The following VPS53 variants were observed in gnomAD, a reference collection of about 807,000 sequenced individuals.
VPS53 encodes vacuolar protein sorting-associated protein 53 homolog.
A neutral mutation model predicts 107.0 loss-of-function variants in VPS53; 70 were observed. The observed-to-expected ratio is 0.65, with a 90% CI of 0.54 to 0.80. VPS53 has a LOEUF of 0.80. Ranked by LOEUF, VPS53 falls within the 30% of genes least tolerant of loss-of-function variation. The probability of loss-of-function intolerance (pLI) is 0.00; values close to 1 mark genes in which losing one functional copy is unlikely to be tolerated. For missense variants in VPS53, 917 were observed against 1,049.4 expected (o/e 0.87, Z 1.74); for synonymous variants, 409 against 393.3 (o/e 1.04, Z -0.47).
chr17:677,003 T>G (rs1972192784), intron 4 of VPS53, among the ~76,000 whole-genome samples: 1 of 152,182 alleles, frequency 6.6e-6, no homozygotes, highest in African/African-American at 2.4e-5. Flanking sequence ...AGAATGAATC[T>G]ATGAAAGTTC....
chr17:634,768 G>A (rs1970121088), intron 7 of VPS53, among the ~76,000 whole-genome samples: 1 of 151,882 alleles, frequency 6.6e-6, no homozygotes, highest in Non-Finnish European at 1.5e-5. Context: ...GTGTATATGT[G>A]CCACATTTTC....
intron 11 of VPS53, among the ~76,000 whole-genome samples, chr17:611,577 C>T (rs1041961274): frequency 6.6e-6 from 1 of 152,266 alleles, no homozygotes; most frequent in Non-Finnish European, 1.5e-5. Flanking sequence ...AGCAATTCCA[C>T]TCAGGTATAT....
intron 11 of VPS53, among the ~76,000 whole-genome samples, chr17:613,235 GCA>G (rs1968979100): frequency 6.6e-6 from 1 of 150,844 alleles, no homozygotes; most frequent in Admixed American, 6.6e-5. Context: ...GTGAAAACCT[GCA>G]CAGATATTCA....
rs1320305702 is a variant in VPS53, at chr17:524,874, C to T, written c.2086-3136G>A. Among the ~76,000 whole-genome samples the T allele has an allele frequency of 6.6e-6, 1 of 152,144 alleles. No individual in the cohort carries two copies. The highest frequency in any genetic ancestry group is 1.5e-5 in the Non-Finnish European group (1 of 68,036). Reference sequence around the variant, plus strand: ...GTGACAGTAGAAGTTAGTTCAAGCACGTTGGGGGAAATTTAGCAACATTTC... The same window carrying T: ...GTGACAGTAGAAGTTAGTTCAAGCATGTTGGGGGAAATTTAGCAACATTTC... On this transcript the variant is annotated intron_variant, in intron 19 of 21. Transcript: ENST00000437048. The surrounding 1 kb of genome is among the most constrained non-coding windows in gnomAD (Gnocchi z 4.5).
chr17:530,525 A>G (rs867447599), intron 19 of VPS53, among the ~76,000 whole-genome samples: 16 of 152,164 alleles, frequency 1.1e-4, no homozygotes, highest in Admixed American at 9.2e-4. Context: ...ATTTTCCATG[A>G]AAAATGACAG....
chr17:521,982 C>T (rs1019905226), intron 19 of VPS53, among the ~76,000 whole-genome samples: 2 of 152,136 alleles, frequency 1.3e-5, no homozygotes, highest in African/African-American at 2.4e-5. Flanking sequence ...GGCCAGGAGC[C>T]GTGGCTCACA....
Position 517,420 on chromosome 17 carries a change from A to G in VPS53, c.*1708T>C, listed in dbSNP as rs925968378. Reference sequence around the variant, plus strand: ...CACAGAGCAGTGGTTATGTTGGGAAACAAGGTGGGGATGAGGAAATCAGGT... The same window carrying G: ...CACAGAGCAGTGGTTATGTTGGGAAGCAAGGTGGGGATGAGGAAATCAGGT... On this transcript the variant is annotated 3_prime_UTR_variant, in exon 22 of 22. Coordinates refer to ENST00000437048, the MANE Select transcript of VPS53 (RefSeq NM_001128159.3). 11 of 399,188 alleles carry G rather than the reference A, an allele frequency of 2.8e-5. No homozygotes were observed. The highest frequency in any genetic ancestry group is 4.0e-5 in the Non-Finnish European group (9 of 226,360). The allele number at this position is 399,188 out of a possible 1,614,324, so 24.7% of individuals were successfully genotyped here. A position where few individuals can be genotyped will look rare whatever the true frequency, so the allele number is the denominator to read the frequency against.
chr17:542,975 CA>C (rs57176595), intron 17 of VPS53, among the ~76,000 whole-genome samples: 19,912 of 89,832 alleles, frequency 0.22, 2,934 homozygotes, highest in African/African-American at 0.46. Context: ...GAGACTCTGT[CA>C]AAAAAAAAAA....
chr17:528,998 T>C (rs1430839616), intron 19 of VPS53, among the ~76,000 whole-genome samples: 1 of 152,206 alleles, frequency 6.6e-6, no homozygotes, highest in Non-Finnish European at 1.5e-5. Flanking sequence ...CTGTACCGTT[T>C]TGCATTACCA....
chr17:616,112 G>T (rs1240532057), intron 11 of VPS53: 1 of 152,238 alleles, frequency 6.6e-6, no homozygotes, highest in East Asian at 1.9e-4. Flanking sequence ...TGGCCATAGG[G>T]CTTCTGTTGC....
intron 11 of VPS53, among the ~76,000 whole-genome samples, chr17:622,445 T>A (rs1423996325): frequency 1.3e-5 from 2 of 152,064 alleles, no homozygotes; most frequent in African/African-American, 4.8e-5. Context: ...TTCTCTCAAC[T>A]TGGATTTCTT....
chr17:548,987 T>C (rs904990976), intron 17 of VPS53, among the ~76,000 whole-genome samples: 2 of 152,218 alleles, frequency 1.3e-5, no homozygotes, highest in African/African-American at 4.8e-5. Flanking sequence ...TGTACTTTTC[T>C]TATGGCACTG....
At chr17:648,263 T>A (rs1970785338) in intron 7 of VPS53, among the ~76,000 whole-genome samples, 1 of 152,098 alleles carries the variant, frequency 6.6e-6, no homozygotes, top group Non-Finnish European at 1.5e-5. Flanking sequence ...AAAATAAAAA[T>A]AAGGCCGGGC....
intron 4 of VPS53, among the ~76,000 whole-genome samples, chr17:672,637 C>T (rs185999474): frequency 1.2e-4 from 19 of 152,252 alleles, no homozygotes; most frequent in African/African-American, 4.3e-4. Context: ...GAAAATGAGA[C>T]ATTCTCCAGA....
At chr17:675,099 T>C (rs1176309316) in intron 4 of VPS53, 1 of 152,234 alleles carries the variant, frequency 6.6e-6, no homozygotes, top group Non-Finnish European at 1.5e-5. Flanking sequence ...TTACAGTGAA[T>C]GAATCAAGAA....
intron 4 of VPS53, among the ~76,000 whole-genome samples, chr17:679,611 G>A (rs997115083): frequency 6.6e-6 from 1 of 152,154 alleles, no homozygotes; most frequent in Non-Finnish European, 1.5e-5. Flanking sequence ...TTATTTTCAA[G>A]AACAAGGACT....
At chr17:572,448 C>G (rs1219668558) in intron 13 of VPS53, among the ~76,000 whole-genome samples, 1 of 149,262 alleles carries the variant, frequency 6.7e-6, no homozygotes, top group Non-Finnish European at 1.5e-5. Flanking sequence ...GCCGCCCCAT[C>G]CGGGAGGTGA....
chr17:655,870 C>T lies in VPS53; in HGVS notation c.456G>A (p.Leu152=). 6.2e-7 allele frequency: 1 copy of T among 1,613,960 alleles called. No individual in the cohort carries two copies. ...LTTSITTLNH[L]HMLAGGVDSL... ...AGTCGACACCTCCTGCCAGCATGTG[C>T]AGGTGGTTCAGTGTGGTGATTGAGG... is the stretch of plus-strand genomic sequence containing the variant. The change falls in exon 6 of 22, where the codon CTG becomes CTA. Residue 152 remains leucine, a synonymous_variant. Coordinates refer to ENST00000437048, the MANE Select transcript of VPS53 (RefSeq NM_001128159.3).
chr17:698,774 G>C (rs767114005), intron 3 of VPS53, among the ~76,000 whole-genome samples: 2 of 151,930 alleles, frequency 1.3e-5, no homozygotes, highest in African/African-American at 4.8e-5. Flanking sequence ...AATTACAAAA[G>C]ATGTTTTGAG....
Sources: gnomAD v4.1 joint callset for allele counts (sites outside exome capture counted in the v4.1 genomes callset) on GRCh38, gnomAD v4.1.1 for gene constraint, Gnocchi (gnomAD v3.1) non-coding constraint, MANE v1.5 for transcripts, NCBI Gene and HGNC (gene_info 2026-07-23, HGNC 2026-07-21) for gene names.